ABCB1: variants seen among roughly 807,000 people sequenced by gnomAD.
The protein encoded by ABCB1 is ATP-dependent translocase ABCB1.
ABCB1 carries 69 observed loss-of-function variants against 142.0 expected under a neutral mutation model. That is an observed-to-expected ratio of 0.49 (90% confidence interval 0.40 to 0.59). ABCB1 has a LOEUF of 0.59. Ranked by LOEUF, ABCB1 falls within the 20% of genes least tolerant of loss-of-function variation. The pLI is 0.00. For synonymous variants in ABCB1, 532 were observed against 539.2 expected, an observed-to-expected ratio of 0.99 and a Z score of 0.18; for missense variants, 1,326 against 1,554.7, an observed-to-expected ratio of 0.85 and a Z score of 2.47.
rs201197690 is a variant in ABCB1, at chr7:87,626,198, A to C, written c.-330-25120T>G. 6.2e-4 allele frequency among the ~76,000 whole-genome samples: 8 copies of C among 12,972 alleles called. No homozygotes were observed. The South Asian group carries it at 0.013, about 21-fold the overall frequency. The allele number at this position is 12,972 out of a possible 152,430, so 8.5% of individuals were successfully genotyped here. ...ATTGTCATATATATGTGTCATATAT[A>C]TGTCATATATATGTGTCATATATAT... On this transcript the variant is annotated intron_variant, in intron 1 of 28. Coordinates refer to the ABCB1 transcript ENST00000265724.
chr7:87,524,680 A>C (rs1008532221), intron 21 of ABCB1, among the ~76,000 whole-genome samples: 3 of 152,144 alleles, frequency 2.0e-5, no homozygotes, highest in Non-Finnish European at 4.4e-5. Context: ...GCACATGTAT[A>C]CATATGTAAC....
At chr7:87,614,805 T>TTTTG (rs771533481) in intron 1 of ABCB1, among the ~76,000 whole-genome samples, 1 of 152,120 alleles carries the variant, frequency 6.6e-6, no homozygotes, top group African/African-American at 2.4e-5. Flanking sequence ...CTTTTATTCT[T>TTTTG]TTTGTTTGTT....
chr7:87,619,764 G>GTGTA (rs1248752042), intron 1 of ABCB1, among the ~76,000 whole-genome samples: 104 of 147,250 alleles, frequency 7.1e-4, no homozygotes, highest in African/African-American at 2.2e-3. Flanking sequence ...GTGTGTGTGT[G>GTGTA]TATATATATA....
chr7:87,574,385 A>G (rs572641304), intron 4 of ABCB1, among the ~76,000 whole-genome samples: 3 of 152,150 alleles, frequency 2.0e-5, no homozygotes, highest in Non-Finnish European at 4.4e-5. Flanking sequence ...AATAACTGAG[A>G]TTGGGTTTTT....
chr7:87,648,695 T>A (rs568819907), intron 1 of ABCB1, among the ~76,000 whole-genome samples: 1 of 152,280 alleles, frequency 6.6e-6, no homozygotes, highest in South Asian at 2.1e-4. Flanking sequence ...TGTTTTAGTA[T>A]TTTTTATTTC....
At chr7:87,677,621 G>A (rs888199471) in intron 1 of ABCB1, among the ~76,000 whole-genome samples, 1 of 152,026 alleles carries the variant, frequency 6.6e-6, no homozygotes, top group Non-Finnish European at 1.5e-5. Context: ...AAATTGCTAT[G>A]ATAGTAGATC....
intron 20 of ABCB1, among the ~76,000 whole-genome samples, chr7:87,534,248 G>A (rs1385304848): frequency 3.3e-5 from 5 of 152,182 alleles, no homozygotes; most frequent in Admixed American, 1.3e-4. Flanking sequence ...CACGTCAAAT[G>A]TGATGCGGGA....
intron 4 of ABCB1, among the ~76,000 whole-genome samples, chr7:87,580,442 G>A (rs914822230): frequency 6.6e-6 from 1 of 152,096 alleles, no homozygotes; most frequent in Admixed American, 6.5e-5. Context: ...TCCTTTGTAT[G>A]TTATTTGTTC....
chr7:87,654,768 A>C (rs1393010974), intron 1 of ABCB1, among the ~76,000 whole-genome samples: 1 of 152,136 alleles, frequency 6.6e-6, no homozygotes, highest in African/African-American at 2.4e-5. Context: ...GTAAAGAGAC[A>C]ATTTACAAAA....
At chr7:87,608,733 A>G (rs1261897991) in intron 1 of ABCB1, among the ~76,000 whole-genome samples, 2 of 152,196 alleles carry the variant, frequency 1.3e-5, no homozygotes, top group Non-Finnish European at 2.9e-5. Context: ...CTCTCCCAGG[A>G]GCAAGGTCAA....
chr7:87,555,367 T>G (rs958327779), intron 8 of ABCB1, among the ~76,000 whole-genome samples: 14 of 152,194 alleles, frequency 9.2e-5, no homozygotes, highest in Non-Finnish European at 1.9e-4. Flanking sequence ...TTTAAGGTCT[T>G]TGATCCATAA....
upstream of ABCB1, among the ~76,000 whole-genome samples, chr7:87,605,236 C>A (rs555103846): frequency 2.0e-5 from 3 of 152,272 alleles, no homozygotes; most frequent in African/African-American, 7.2e-5. Flanking sequence ...TGGGTTCCAG[C>A]AATTCTCATG....
intron 1 of ABCB1, among the ~76,000 whole-genome samples, chr7:87,647,958 G>A (rs1410279468): frequency 1.3e-5 from 2 of 152,240 alleles, no homozygotes; most frequent in East Asian, 3.9e-4. Flanking sequence ...GCCAAGGCAG[G>A]TGGATCATGA....
chr7:87,544,823 C>T lies in ABCB1; in HGVS notation c.2064G>A (p.Leu688=), dbSNP rs1239682305. The change falls in exon 16 of 28, where the codon CTG becomes CTA. Residue 688 remains leucine, a splice_region_variant and synonymous_variant. Coordinates refer to ENST00000622132, the MANE Select transcript of ABCB1 (RefSeq NM_001348946.2). ...QDRKLSTKEA[L]DESIPPVSFW... Reference sequence around the variant, plus strand: ...ACAAACTCCGCATCTCCCTTCATACCAGAGCCTCTTTGGTACTAAGCTTTC... The same window carrying T: ...ACAAACTCCGCATCTCCCTTCATACTAGAGCCTCTTTGGTACTAAGCTTTC... The T allele has an allele frequency of 6.2e-7, 1 of 1,614,004 alleles. No individual in the cohort carries two copies. The highest frequency in any genetic ancestry group is 1.7e-5 in the Admixed American group (1 of 60,026).
At chr7:87,709,292 G>A (rs1253359433) in intron 1 of ABCB1, 10 of 985,080 alleles carry the variant, frequency 1.0e-5, no homozygotes, top group Admixed American at 1.2e-4. Context: ...GACTTCATTG[G>A]TGAAATTGTA....
At chr7:87,644,154 C>A (rs570492832) in intron 1 of ABCB1, among the ~76,000 whole-genome samples, 2 of 152,372 alleles carry the variant, frequency 1.3e-5, no homozygotes, top group East Asian at 3.9e-4. Context: ...CCACCGTGCC[C>A]AGACCTGCAA....
chr7:87,566,272 G>A, intron 6 of ABCB1, 31 bp from the exon 7 acceptor site: 1 of 1,606,992 alleles, frequency 6.2e-7, no homozygotes, highest in Middle Eastern at 1.7e-4. Flanking sequence ...AGAAATAATT[G>A]TCAGAATTGT....
At chr7:87,624,833 G>T (rs1820347628) in intron 1 of ABCB1, among the ~76,000 whole-genome samples, 1 of 152,128 alleles carries the variant, frequency 6.6e-6, no homozygotes, top group Admixed American at 6.5e-5. Context: ...CCCCCATGTG[G>T]CAGTGTAATG....
intron 1 of ABCB1, among the ~76,000 whole-genome samples, chr7:87,661,225 T>A (rs550581327): frequency 7.9e-5 from 12 of 151,968 alleles, no homozygotes; most frequent in Non-Finnish European, 1.3e-4. Flanking sequence ...AAATAAGGTA[T>A]CCATCACTTC....
Sources: allele counts gnomAD v4.1 joint callset (sites outside exome capture counted in the v4.1 genomes callset), GRCh38; gene constraint gnomAD v4.1.1; transcripts MANE v1.5; gene names NCBI Gene and HGNC (gene_info 2026-07-23, HGNC 2026-07-21).